Variants in CCNQ observed in about 807,000 individuals in gnomAD.
CCNQ encodes cyclin-Q.
In CCNQ, 3 loss-of-function variants were observed where a neutral mutation model predicts 17.7. That is an observed-to-expected ratio of 0.17 (90% CI 0.08 to 0.44). The LOEUF (loss-of-function observed/expected upper bound fraction) is 0.44. CCNQ is among the 20% of genes least tolerant of loss of function. The pLI, the probability that CCNQ is intolerant of heterozygous loss-of-function variation, is 0.99. For synonymous variants in CCNQ, 73 were observed against 96.0 expected (o/e 0.76, Z 1.40); for missense variants, 146 against 222.6 (o/e 0.66, Z 2.19).
At chrX:153,596,795 T>C (rs1003834433) in intron 1 of CCNQ, among the ~76,000 whole-genome samples, 21 of 111,991 alleles carry the variant, frequency 1.9e-4, no homozygotes, top group African/African-American at 6.8e-4. Flanking sequence ...GAAAAGGCAA[T>C]GTTTATGGCC....
At chrX:153,597,410 A>C (rs1330931617) in intron 1 of CCNQ, 1 of 112,369 alleles carries the variant, frequency 8.9e-6, no homozygotes, top group Admixed American at 9.4e-5. Flanking sequence ...CCATGGGAGA[A>C]TGTTTCCTTG....
At chrX:153,588,523 G>A in intron 4 of CCNQ, 69 bp from the exon 5 acceptor site, 1 of 815,996 alleles carries the variant, frequency 1.2e-6, no homozygotes, top group Non-Finnish European at 1.9e-6. Context: ...CTGTCACTAA[G>A]CAGAGAATCA....
intron 4 of CCNQ, among the ~76,000 whole-genome samples, chrX:153,588,995 G>A (rs1006128501): frequency 7.1e-5 from 8 of 113,236 alleles, no homozygotes; most frequent in African/African-American, 2.2e-4. Flanking sequence ...GCAGCCCAGG[G>A]CCACGCCACA....
chrX:153,589,063 G>A (rs1388296034), intron 4 of CCNQ, among the ~76,000 whole-genome samples: 1 of 113,017 alleles, frequency 8.8e-6, no homozygotes, highest in African/African-American at 3.2e-5. Flanking sequence ...CCTGGCTCCT[G>A]GAGGATAACC....
intron 4 of CCNQ, among the ~76,000 whole-genome samples, chrX:153,590,231 T>TAAAAAAAAAAAAAAAAAAAA (rs59053078): frequency 1.1e-4 from 3 of 26,452 alleles, no homozygotes; most frequent in African/African-American, 5.2e-4. Context: ...CTGTCTCTAT[T>TAAAAAAAAAAAAAAAAAAAA]AAAAAAAAAA....
At position 153,587,946 on chromosome X, in the gene CCNQ, T is replaced by C; in HGVS notation, c.*419A>G. On this transcript the variant is annotated 3_prime_UTR_variant, in exon 5 of 5. Transcript: ENST00000576892. ...CCTATTGACTTGTATCACCTTTTAT[T>C]ACACAAAATAGATTTCAGCCACGTT... 1 of 273,474 alleles carries C rather than the reference T, an allele frequency of 3.7e-6. No homozygotes were observed. The highest frequency in any genetic ancestry group is 6.7e-6 in the Non-Finnish European group (1 of 149,003). 22.5% of individuals were successfully genotyped at this position (273,474 alleles called of 1,213,427 possible). A position where few individuals can be genotyped will look rare whatever the true frequency, so the allele number is the denominator to read the frequency against.
chrX:153,596,354 G>C (rs2091028519), intron 1 of CCNQ, among the ~76,000 whole-genome samples, 167 bp from the exon 2 acceptor site: 1 of 111,831 alleles, frequency 8.9e-6, no homozygotes, highest in Non-Finnish European at 1.9e-5. Context: ...TGGGCTCTCA[G>C]ACTCTAGTGG....
intron 1 of CCNQ, among the ~76,000 whole-genome samples, chrX:153,597,923 G>A (rs1411255280): frequency 9.0e-6 from 1 of 110,841 alleles, no homozygotes; most frequent in Non-Finnish European, 1.9e-5. Context: ...AGGTGTCACT[G>A]CCATCCTTCC....
chrX:153,595,979 C>T (rs782645393), intron 2 of CCNQ, 25 bp downstream of exon 2: 7 of 1,211,100 alleles, frequency 5.8e-6, no homozygotes, highest in Non-Finnish European at 5.6e-6. Flanking sequence ...GGGTGGAGAT[C>T]AGGAGCCCAG....
At position 153,594,612 on chromosome X, in the gene CCNQ, C is replaced by T. The variant is rs1557026564; in HGVS notation, c.364G>A (p.Val122Met). The T allele has an allele frequency of 3.3e-6, 4 of 1,211,165 alleles. No homozygotes were observed. The highest frequency in any genetic ancestry group is 3.0e-5 in the East Asian group (1 of 33,844). ...SRFWELRDSI[V>M]QCELLMLRVL... is the part of the protein sequence containing the mutation. Reference sequence around the variant, plus strand: ...CTCAGCATGAGAAGCTCACACTGCACGATGCTGTCCCGGAGTTCCCAGAAG... The same window carrying T: ...CTCAGCATGAGAAGCTCACACTGCATGATGCTGTCCCGGAGTTCCCAGAAG... The change falls in exon 3 of 5, where the codon GTG (valine) becomes ATG (methionine). Residue 122 changes from valine (V) to methionine (M), a missense_variant. Coordinates refer to ENST00000576892, the MANE Select transcript of CCNQ (RefSeq NM_152274.5).
intron 1 of CCNQ, among the ~76,000 whole-genome samples, chrX:153,598,630 A>G (rs1295141843): frequency 1.8e-5 from 2 of 113,036 alleles, no homozygotes; most frequent in Admixed American, 9.2e-5. Flanking sequence ...AGCGCCATAA[A>G]GTCTACCGGA....
chrX:153,593,944 C>T (rs1199681414), intron 3 of CCNQ, among the ~76,000 whole-genome samples: 1 of 112,902 alleles, frequency 8.9e-6, no homozygotes, highest in East Asian at 2.8e-4. Flanking sequence ...TCTCTGTCTC[C>T]GGCCAGCCTT....
At chrX:153,592,782 A>G in intron 3 of CCNQ, 49 bp from the exon 4 acceptor site, 1 of 1,078,500 alleles carries the variant, frequency 9.3e-7, no homozygotes, top group Non-Finnish European at 1.3e-6. Context: ...TGCTCTCCTC[A>G]TGCTGACATA....
At position 153,594,459 on chromosome X, in the gene CCNQ, G is replaced by C. The variant is rs1275690888; in HGVS notation, c.429+88C>G. The C allele has an allele frequency of 1.5e-5, 16 of 1,083,496 alleles. No individual in the cohort carries two copies. The South Asian group carries it at 2.4e-4, about 16-fold the overall frequency. The allele number at this position is 1,083,496 out of a possible 1,213,427, so 89.3% of individuals were successfully genotyped here. The stretch of plus-strand genomic sequence containing the variant: ...TGCTCTCCTTCTGTGCTGTGCTCTC[G>C]AGTATGAGATGGGATGCACTTTTGG... On this transcript the variant is annotated intron_variant, in intron 3 of 4. Coordinates refer to ENST00000576892, the MANE Select transcript of CCNQ (RefSeq NM_152274.5).
chrX:153,592,992 A>C (rs188878166), intron 3 of CCNQ, among the ~76,000 whole-genome samples: 80 of 111,744 alleles, frequency 7.2e-4, no homozygotes, highest in African/African-American at 2.5e-3. Context: ...CTCCAGACCC[A>C]GCTCTAGGGA....
chrX:153,596,545 T>C (rs2091029828), intron 1 of CCNQ, among the ~76,000 whole-genome samples: 1 of 112,703 alleles, frequency 8.9e-6, no homozygotes, highest in Non-Finnish European at 1.9e-5. Context: ...TAGCAGCTTC[T>C]GCAAAACCCT....
In CCNQ at chrX:153,594,639, G is replaced by C; in HGVS notation, c.337C>G (p.Arg113Gly). ...ATGCTGTCCCGGAGTTCCCAGAAGC[G>C]GGAGTCCAATTCCAGGGGCTCACCG... is the stretch of plus-strand genomic sequence containing the variant. ...PSGEPLELDS[R>G]FWELRDSIVQ... is the part of the protein sequence containing the mutation. Residue 113 changes from arginine (R) to glycine (G), a missense_variant, in exon 3 of 5, where the codon CGC (arginine) becomes GGC (glycine). Coordinates refer to ENST00000576892, the MANE Select transcript of CCNQ (RefSeq NM_152274.5). The C allele has an allele frequency of 1.7e-6, 2 of 1,211,569 alleles. No individual in the cohort carries two copies. Among genetic ancestry groups the C allele is most frequent in the Non-Finnish European group, 2.2e-6 (2 of 895,295 alleles).
intron 2 of CCNQ, among the ~76,000 whole-genome samples, chrX:153,595,290 G>C (rs1440135299): frequency 9.0e-6 from 1 of 111,105 alleles, no homozygotes; most frequent in Non-Finnish European, 1.9e-5. Context: ...GCTAATTTTT[G>C]TATTTTTGGT....
intron 3 of CCNQ, among the ~76,000 whole-genome samples, chrX:153,593,823 G>A (rs1557026319): frequency 8.9e-6 from 1 of 112,082 alleles, no homozygotes. Context: ...GGGGGAGACT[G>A]GGCTAAGGGT....
Sources: gnomAD v4.1 joint callset for allele counts (sites outside exome capture counted in the v4.1 genomes callset) on GRCh38, gnomAD v4.1.1 for gene constraint, MANE v1.5 for transcripts, NCBI Gene and HGNC (gene_info 2026-07-23, HGNC 2026-07-21) for gene names.